The following FHL2 variants were observed in gnomAD, a reference collection of about 807,000 sequenced individuals.
FHL2 encodes four and a half LIM domains protein 2.
A neutral mutation model predicts 32.7 loss-of-function variants in FHL2; 20 were observed. That is an observed-to-expected ratio of 0.61 (90% CI 0.43 to 0.89). FHL2 has a LOEUF of 0.89. Among genes scored for constraint, FHL2 ranks in the 40% least tolerant of loss-of-function variants. The pLI is 0.00. For synonymous variants in FHL2, 123 were observed against 128.1 expected, an observed-to-expected ratio of 0.96 and a Z score of 0.27; for missense variants, 311 against 358.6, an observed-to-expected ratio of 0.87 and a Z score of 1.07.
Position 105,367,786 on chromosome 2 carries a change from G to GT in FHL2, c.332-48dup, listed in dbSNP as rs889137906. On this transcript the variant is annotated intron_variant, in intron 4 of 6. Transcript: ENST00000530340. ...ACACAGCAGAGTTATGGTTAGAGGG[G>GT]TGTGGAGTCCCAGCAATCTGCCTTC... The GT allele has an allele frequency of 2.6e-6, 4 of 1,564,988 alleles. No individual in the cohort carries two copies. In the African/African-American group the frequency reaches 5.4e-5, roughly 21 times the overall value.
At chr2:105,384,054 C>CT (rs1682112530) in intron 3 of FHL2, among the ~76,000 whole-genome samples, 1 of 152,108 alleles carries the variant, frequency 6.6e-6, no homozygotes, top group African/African-American at 2.4e-5. Context: ...TTTTAAGGGT[C>CT]TTTCCACTAA....
Position 105,386,004 on chromosome 2 carries a change from A to G in FHL2, c.156+357T>C, listed in dbSNP as rs147206771. The G allele has an allele frequency of 1.1e-3, 439 of 397,546 alleles. 5 individuals carry two copies. The highest frequency in any genetic ancestry group is 6.0e-3 in the African/African-American group (294 of 48,966). 24.6% of individuals were successfully genotyped at this position (397,546 alleles called of 1,614,324 possible). A position where few individuals can be genotyped will look rare whatever the true frequency, so the allele number is the denominator to read the frequency against. On this transcript the variant is annotated intron_variant, in intron 3 of 6. Transcript: ENST00000530340. The stretch of plus-strand genomic sequence containing the variant: ...ATTGACTGAGCACAGCACCTGCTCC[A>G]CGTTACTCACCACGGGGCAAACAGA...
At chr2:105,428,577 C>T (rs950284919) in intron 1 of FHL2, among the ~76,000 whole-genome samples, 5 of 152,224 alleles carry the variant, frequency 3.3e-5, no homozygotes, top group African/African-American at 9.6e-5. Flanking sequence ...CGGACAGGCC[C>T]GCCCATGGCT....
At chr2:105,420,276 G>A (rs2104667358) in intron 1 of FHL2, among the ~76,000 whole-genome samples, 1 of 152,268 alleles carries the variant, frequency 6.6e-6, no homozygotes, top group East Asian at 1.9e-4. Context: ...CCCTTGGCTT[G>A]TAGACTCACT....
At chr2:105,367,998 C>T (rs191523595) in intron 4 of FHL2, among the ~76,000 whole-genome samples, 1 of 152,106 alleles carries the variant, frequency 6.6e-6, no homozygotes, top group African/African-American at 2.4e-5. Context: ...TTATTGAATA[C>T]CGTGGTTAGG....
chr2:105,363,539 G>T, intron 5 of FHL2, 68 bp from the exon 6 acceptor site: 1 of 1,394,820 alleles, frequency 7.2e-7, no homozygotes, highest in Non-Finnish European at 9.8e-7. Flanking sequence ...CTCAGCTACT[G>T]CCACTGGACG....
chr2:105,405,415 A>G (rs1683597630), intron 1 of FHL2, among the ~76,000 whole-genome samples: 1 of 152,020 alleles, frequency 6.6e-6, no homozygotes, highest in African/African-American at 2.4e-5. Context: ...CAGAATGTTT[A>G]TGTTATTTTA....
intron 1 of FHL2, among the ~76,000 whole-genome samples, chr2:105,419,426 A>G (rs992091847): frequency 1.3e-5 from 2 of 152,182 alleles, no homozygotes; most frequent in African/African-American, 4.8e-5. Flanking sequence ...TTTGAGGTGA[A>G]GGCAATTAAG....
At chr2:105,408,613 G>A (rs1410760118) in intron 1 of FHL2, among the ~76,000 whole-genome samples, 1 of 152,208 alleles carries the variant, frequency 6.6e-6, no homozygotes, top group Non-Finnish European at 1.5e-5. Context: ...TGCAGAGAAA[G>A]GACAGCAGCT....
intron 1 of FHL2, among the ~76,000 whole-genome samples, chr2:105,409,197 G>C (rs1247847542): frequency 1.3e-5 from 2 of 152,220 alleles, no homozygotes; most frequent in African/African-American, 4.8e-5. Flanking sequence ...GTGAGGGAAA[G>C]AAAGAGACTA....
chr2:105,431,756 ACAGAGAC>A (rs1333266182), intron 1 of FHL2, among the ~76,000 whole-genome samples: 1 of 152,236 alleles, frequency 6.6e-6, no homozygotes, highest in East Asian at 1.9e-4. Flanking sequence ...CAAATTTTAA[ACAGAGAC>A]CTGTGGTTAA....
intron 1 of FHL2, chr2:105,396,927 C>A: frequency 6.5e-6 from 3 of 461,856 alleles, no homozygotes; most frequent in Non-Finnish European, 3.8e-6. Context: ...CCGGTGCTGA[C>A]AAAGGAGGCT....
chr2:105,366,735 A>C (rs1389343619), intron 5 of FHL2, among the ~76,000 whole-genome samples: 1 of 152,022 alleles, frequency 6.6e-6, no homozygotes, highest in African/African-American at 2.4e-5. Context: ...CGAGTAGATA[A>C]GTTTATTTAT....
At chr2:105,377,706 C>T (rs1403327509) in intron 3 of FHL2, 2 of 205,426 alleles carry the variant, frequency 9.7e-6, no homozygotes, top group Non-Finnish European at 2.0e-5. Flanking sequence ...TTACCTCTGT[C>T]CCCCTGTGCA....
chr2:105,381,199 T>C (rs942271697), intron 3 of FHL2, among the ~76,000 whole-genome samples: 1 of 152,216 alleles, frequency 6.6e-6, no homozygotes, highest in African/African-American at 2.4e-5. Context: ...ATGTCATTCA[T>C]GCTCAGCGTT....
chr2:105,360,690 G>A (rs956736287), downstream of FHL2: 1 of 152,346 alleles, frequency 6.6e-6, no homozygotes, highest in Admixed American at 6.5e-5. Flanking sequence ...TGCTGTTCCA[G>A]TTGGCAATGC....
chr2:105,414,037 C>A (rs908103975), intron 1 of FHL2, among the ~76,000 whole-genome samples: 2 of 152,168 alleles, frequency 1.3e-5, no homozygotes, highest in Non-Finnish European at 2.9e-5. Context: ...ATACTTCTGA[C>A]CAACAGGCTA....
chr2:105,363,204 T>TAGAC, intron 6 of FHL2, 81 bp downstream of exon 6: 2 of 1,403,928 alleles, frequency 1.4e-6, no homozygotes. Flanking sequence ...TTGAGGGATA[T>TAGAC]AGACAGGGTC....
At chr2:105,429,247 C>G (rs972875967) in intron 1 of FHL2, among the ~76,000 whole-genome samples, 1 of 152,170 alleles carries the variant, frequency 6.6e-6, no homozygotes, top group Non-Finnish European at 1.5e-5. Context: ...AGTTCTGCCT[C>G]TTAGTAATTG....
Sources: allele counts gnomAD v4.1 joint callset (sites outside exome capture counted in the v4.1 genomes callset), GRCh38; gene constraint gnomAD v4.1.1; transcripts MANE v1.5; gene names NCBI Gene and HGNC (gene_info 2026-07-23, HGNC 2026-07-21).